Variants in FOXO1 observed in about 807,000 individuals in gnomAD.
FOXO1 encodes the protein forkhead box protein O1.
FOXO1 carries 6 observed loss-of-function variants against 44.1 expected under a neutral mutation model. The ratio of observed to expected loss-of-function variants is 0.14; its 90% CI spans 0.07 to 0.27. FOXO1 has a LOEUF of 0.27. Ranked by LOEUF, FOXO1 falls within the 10% of genes least tolerant of loss-of-function variation. FOXO1 has a pLI of 1.00. For missense variants in FOXO1, 737 were observed against 888.8 expected, an observed-to-expected ratio of 0.83 and a Z score of 2.17; for synonymous variants, 380 against 362.7, an observed-to-expected ratio of 1.05 and a Z score of -0.54.
At chr13:40,656,316 T>C (rs1877858793) in intron 1 of FOXO1, among the ~76,000 whole-genome samples, 1 of 152,236 alleles carries the variant, frequency 6.6e-6, no homozygotes, top group South Asian at 2.1e-4. Context: ...TTCAAGCCAA[T>C]ATAACCTTCC....
At chr13:40,592,491 A>T (rs1310984693) in intron 1 of FOXO1, among the ~76,000 whole-genome samples, 3 of 152,232 alleles carry the variant, frequency 2.0e-5, no homozygotes, top group African/African-American at 7.2e-5. Flanking sequence ...AGAAAAGACA[A>T]CTTAAACCAG....
chr13:40,595,776 T>G (rs1875554970), intron 1 of FOXO1, among the ~76,000 whole-genome samples: 1 of 152,076 alleles, frequency 6.6e-6, no homozygotes, highest in Non-Finnish European at 1.5e-5. Flanking sequence ...GCATATCACC[T>G]CAAACATTTG....
At chr13:40,664,640 C>T (rs1375929136) in intron 1 of FOXO1, among the ~76,000 whole-genome samples, 1 of 152,202 alleles carries the variant, frequency 6.6e-6, no homozygotes, top group Non-Finnish European at 1.5e-5. Context: ...ACATCCCAGC[C>T]CCCGGCCCCT....
intron 1 of FOXO1, among the ~76,000 whole-genome samples, chr13:40,612,149 C>T (rs1339344659): frequency 6.6e-6 from 1 of 151,690 alleles, no homozygotes; most frequent in Non-Finnish European, 1.5e-5. Context: ...TTTTTACAGG[C>T]CTACTGAAAA....
At chr13:40,603,353 C>CAAAAA (rs60741629) in intron 1 of FOXO1, among the ~76,000 whole-genome samples, 6 of 73,960 alleles carry the variant, frequency 8.1e-5, no homozygotes, top group Admixed American at 1.5e-4. Context: ...CAGATGAATC[C>CAAAAA]AAAAAAAAAA....
chr13:40,659,697 C>T (rs1877977570), intron 1 of FOXO1, among the ~76,000 whole-genome samples: 1 of 151,964 alleles, frequency 6.6e-6, no homozygotes. Context: ...AAAAAAGTAG[C>T]CCAAATGCCT....
At chr13:40,640,938 C>T (rs1184622532) in intron 1 of FOXO1, among the ~76,000 whole-genome samples, 3 of 152,136 alleles carry the variant, frequency 2.0e-5, no homozygotes, top group Admixed American at 1.3e-4. Context: ...CACCTGCCAC[C>T]ATACCCGGCT....
At chr13:40,660,652 C>A (rs1878005361) in intron 1 of FOXO1, among the ~76,000 whole-genome samples, 2 of 152,188 alleles carry the variant, frequency 1.3e-5, no homozygotes, top group Non-Finnish European at 2.9e-5. Context: ...GTGTGCGGAG[C>A]ATGAAATCTA....
intron 1 of FOXO1, among the ~76,000 whole-genome samples, chr13:40,589,983 G>T (rs1489137088): frequency 6.6e-6 from 1 of 152,192 alleles, no homozygotes; most frequent in East Asian, 1.9e-4. Flanking sequence ...TCACTCTGTT[G>T]ACATAATTTG....
At chr13:40,655,348 CAAAAAAA>C (rs1170592440) in intron 1 of FOXO1, among the ~76,000 whole-genome samples, 4 of 94,576 alleles carry the variant, frequency 4.2e-5, no homozygotes, top group Non-Finnish European at 8.8e-5. Context: ...GACCCCATCT[CAAAAAAA>C]AAAAAAAAAA....
chr13:40,600,083 C>A (rs1161412610), intron 1 of FOXO1, among the ~76,000 whole-genome samples: 1 of 152,148 alleles, frequency 6.6e-6, no homozygotes, highest in Non-Finnish European at 1.5e-5. Flanking sequence ...CCCACTGACC[C>A]AGCGCTGAAA....
At chr13:40,621,211 T>A in intron 1 of FOXO1, 1 of 668,808 alleles carries the variant, frequency 1.5e-6, no homozygotes, top group Non-Finnish European at 2.6e-6. Context: ...AGTGACCACA[T>A]AACTGGAAAC....
chr13:40,611,235 A>G, intron 1 of FOXO1: 1 of 311,234 alleles, frequency 3.2e-6, no homozygotes, highest in Non-Finnish European at 6.3e-6. Context: ...GATATGATTT[A>G]TGACACCATG....
At chr13:40,665,015 C>A (rs924684568) in intron 1 of FOXO1, among the ~76,000 whole-genome samples, 1 of 151,964 alleles carries the variant, frequency 6.6e-6, no homozygotes, top group African/African-American at 2.4e-5. Context: ...AAGCAAAATG[C>A]GCACCGCCTC....
chr13:40,611,063 C>G (rs977427042), intron 1 of FOXO1: 1 of 456,076 alleles, frequency 2.2e-6, no homozygotes, highest in African/African-American at 2.0e-5. Flanking sequence ...AAAGTTGTAT[C>G]TTCATCAAAA....
rs1014743942 is a variant in FOXO1, at chr13:40,666,193, A to T, written c.20T>A (p.Val7Glu). 3 of 1,445,222 alleles carry T rather than the reference A, an allele frequency of 2.1e-6. No individual in the cohort carries two copies. Among genetic ancestry groups the T allele is most frequent in the Non-Finnish European group, 2.7e-6 (3 of 1,101,168 alleles). 89.5% of individuals were successfully genotyped at this position (1,445,222 alleles called of 1,614,324 possible). A position where few individuals can be genotyped will look rare whatever the true frequency, so the allele number is the denominator to read the frequency against. Residue 7 changes from valine to glutamate, a missense_variant, in exon 1 of 3, where the codon GTG becomes GAG. Around this residue, in one of 7 missense-constraint regions of FOXO1, gnomAD observed 213 missense variants for 236.4 expected, o/e 0.90. Coordinates refer to ENST00000379561, the MANE Select transcript of FOXO1 (RefSeq NM_002015.4). ...CTCGAAGTCCGGGTCGATCTCCACC[A>T]CCTGAGGCGCCTCGGCCATGGTGAC... MAEAPQ[V>E]VEIDPDFEPL... is the part of the protein sequence containing the mutation.
intron 1 of FOXO1, among the ~76,000 whole-genome samples, chr13:40,586,631 A>G (rs2137858956): frequency 6.6e-6 from 1 of 152,350 alleles, no homozygotes; most frequent in South Asian, 2.1e-4. Context: ...CAATTTTTGT[A>G]ACCAAGTAAC....
intron 1 of FOXO1, among the ~76,000 whole-genome samples, chr13:40,664,898 G>A (rs1878171842): frequency 6.6e-6 from 1 of 151,824 alleles, no homozygotes; most frequent in Non-Finnish European, 1.5e-5. Flanking sequence ...CCAGGCGCCG[G>A]CGCTCCGCAG....
intron 1 of FOXO1, among the ~76,000 whole-genome samples, chr13:40,603,392 G>C (rs974091462): frequency 6.7e-6 from 1 of 148,830 alleles, no homozygotes; most frequent in African/African-American, 2.5e-5. Flanking sequence ...TTAAAGCACA[G>C]GATTTTAAAT....
Sources: gnomAD v4.1 joint callset for allele counts (sites outside exome capture counted in the v4.1 genomes callset) on GRCh38, gnomAD v4.1.1 for gene constraint, gnomAD v4.1.1 regional missense constraint, MANE v1.5 for transcripts, NCBI Gene and HGNC (gene_info 2026-07-23, HGNC 2026-07-21) for gene names.